PDE5A: variants seen among roughly 807,000 people sequenced by gnomAD.
The protein encoded by PDE5A is phosphodiesterase 5A.
In PDE5A, 67 loss-of-function variants were observed where a neutral mutation model predicts 110.2. The ratio of observed to expected loss-of-function variants is 0.61; its 90% CI spans 0.50 to 0.75. The LOEUF is 0.75. PDE5A is among the 30% of genes least tolerant of loss of function. The pLI is 0.00. For missense variants in PDE5A, 862 were observed against 1,045.1 expected (o/e 0.82, Z 2.42); for synonymous variants, 328 against 351.2 (o/e 0.93, Z 0.74).
intron 12 of PDE5A, among the ~76,000 whole-genome samples, chr4:119,522,103 C>T (rs1472891613): frequency 2.0e-5 from 3 of 152,084 alleles, no homozygotes; most frequent in Non-Finnish European, 4.4e-5. Flanking sequence ...TCGGTAGAAA[C>T]TGCTTATAAA....
At chr4:119,514,598 T>G (rs1725851061) in intron 14 of PDE5A, among the ~76,000 whole-genome samples, 1 of 152,082 alleles carries the variant, frequency 6.6e-6, no homozygotes, top group African/African-American at 2.4e-5. Flanking sequence ...ACACTACTGA[T>G]TATCTCTTTG....
intron 1 of PDE5A, among the ~76,000 whole-genome samples, chr4:119,624,486 TAA>T (rs1174255185): frequency 6.6e-6 from 1 of 152,198 alleles, no homozygotes; most frequent in African/African-American, 2.4e-5. Context: ...CAGTATCAAA[TAA>T]AGTCTATCAT....
chr4:119,542,490 C>T lies in PDE5A; in HGVS notation c.1541G>A (p.Arg514Lys), dbSNP rs1726965057. The T allele has an allele frequency of 1.2e-6, 2 of 1,613,876 alleles. No individual in the cohort carries two copies. ...QNTQMYEAVE[R>K]AMAKQMVTLE... ...TGTGACCATTTGCTTGGCCATGGCT[C>T]TCTCCACTGCTTCATACATCTGCGT... Residue 514 changes from arginine (R) to lysine (K), a missense_variant, in exon 10 of 21, where the codon AGA (arginine) becomes AAA (lysine). Coordinates refer to ENST00000354960, the MANE Select transcript of PDE5A (RefSeq NM_001083.4).
At chr4:119,617,737 G>C (rs1729990162) in intron 1 of PDE5A, among the ~76,000 whole-genome samples, 1 of 152,092 alleles carries the variant, frequency 6.6e-6, no homozygotes, top group African/African-American at 2.4e-5. Context: ...CTAAAATAAT[G>C]TATCAAAGGA....
At chr4:119,514,480 C>CT (rs34847681) in intron 14 of PDE5A, among the ~76,000 whole-genome samples, 80 of 146,326 alleles carry the variant, frequency 5.5e-4, no homozygotes, top group South Asian at 3.9e-3. Flanking sequence ...CCCAATCAAC[C>CT]TTTTTTTTTT....
chr4:119,590,347 C>T (rs1394767420), intron 3 of PDE5A, among the ~76,000 whole-genome samples: 2 of 152,162 alleles, frequency 1.3e-5, no homozygotes, highest in Non-Finnish European at 2.9e-5. Flanking sequence ...CCATACTCCT[C>T]AAACTACTCC....
intron 1 of PDE5A, among the ~76,000 whole-genome samples, chr4:119,618,144 T>C (rs1730006900): frequency 6.6e-6 from 1 of 152,116 alleles, no homozygotes; most frequent in African/African-American, 2.4e-5. Context: ...GAATATGACC[T>C]TAGGTACATT....
At chr4:119,613,526 C>T (rs1267004065) in intron 1 of PDE5A, among the ~76,000 whole-genome samples, 1 of 152,062 alleles carries the variant, frequency 6.6e-6, no homozygotes, top group Non-Finnish European at 1.5e-5. Flanking sequence ...AAGTTATATA[C>T]ATATTGGATG....
Position 119,507,641 on chromosome 4 carries a change from G to T in PDE5A, c.2152C>A (p.Gln718Lys). ...GCTAGGTCTGTAGCTAAAATAGCTT[G>T]CTTGATTATTTTCAACGTGGTCTTA... is the stretch of plus-strand genomic sequence containing the variant. ...EYKTTLKIIK[Q>K]AILATDLALY... Residue 718 changes from glutamine (Q) to lysine (K), a missense_variant, in exon 16 of 21, where the codon CAA becomes AAA. Gln to Lys is a moderately conservative substitution (Grantham distance 53). Transcript: ENST00000354960. 1 of 1,582,492 alleles carries T rather than the reference G, an allele frequency of 6.3e-7. No homozygotes were observed. Among genetic ancestry groups the T allele is most frequent in the Non-Finnish European group, 8.6e-7 (1 of 1,168,930 alleles).
intron 1 of PDE5A, 66 bp from the exon 2 acceptor site, chr4:119,607,363 C>G: frequency 1.2e-6 from 1 of 845,446 alleles, no homozygotes; most frequent in South Asian, 1.6e-5. Flanking sequence ...CTGAGAGCTC[C>G]TAAACATCTT....
chr4:119,605,245 T>C (rs187057830), intron 2 of PDE5A, among the ~76,000 whole-genome samples: 1 of 152,322 alleles, frequency 6.6e-6, no homozygotes, highest in African/African-American at 2.4e-5. Flanking sequence ...CCTACTTGCC[T>C]ATCTCTTCTA....
chr4:119,548,454 C>A (rs183698504), intron 9 of PDE5A: 1 of 152,272 alleles, frequency 6.6e-6, no homozygotes, highest in East Asian at 1.9e-4. Flanking sequence ...TAATTTTACT[C>A]AATGAAAGGT....
intron 7 of PDE5A, among the ~76,000 whole-genome samples, chr4:119,556,295 C>T (rs190911202): frequency 4.9e-4 from 75 of 152,272 alleles, no homozygotes; most frequent in African/African-American, 1.8e-3. Flanking sequence ...TTCTAGTAAC[C>T]TTCCTAAGAG....
At chr4:119,503,320 TC>T (rs1258057766) in intron 18 of PDE5A, among the ~76,000 whole-genome samples, 1 of 152,164 alleles carries the variant, frequency 6.6e-6, no homozygotes, top group Non-Finnish European at 1.5e-5. Context: ...TGCATGGACA[TC>T]CATCACTTTT....
chr4:119,616,534 T>C (rs991983395), intron 1 of PDE5A, among the ~76,000 whole-genome samples: 3 of 152,188 alleles, frequency 2.0e-5, no homozygotes, highest in African/African-American at 7.2e-5. Context: ...TCATTAAGCA[T>C]AATGTTTAAC....
At chr4:119,504,687 A>T in intron 17 of PDE5A, 88 bp from the exon 18 acceptor site, 1 of 1,009,024 alleles carries the variant, frequency 9.9e-7, no homozygotes, top group African/African-American at 1.6e-5. Context: ...AAAAAAAGTT[A>T]AAACCCTCTA....
At chr4:119,585,767 A>G (rs1211934492) in intron 3 of PDE5A, among the ~76,000 whole-genome samples, 1 of 152,136 alleles carries the variant, frequency 6.6e-6, no homozygotes, top group Non-Finnish European at 1.5e-5. Flanking sequence ...AAAGAACAGA[A>G]CGCCGGGAAA....
At chr4:119,533,553 C>G (rs1490850740) in intron 11 of PDE5A, among the ~76,000 whole-genome samples, 4 of 152,116 alleles carry the variant, frequency 2.6e-5, no homozygotes, top group South Asian at 2.1e-4. Flanking sequence ...GTATGAAATT[C>G]AGTAAATCTT....
intron 9 of PDE5A, among the ~76,000 whole-genome samples, chr4:119,547,520 G>A (rs564587078): frequency 8.6e-5 from 13 of 151,586 alleles, no homozygotes; most frequent in Non-Finnish European, 1.9e-4. Context: ...TAATTTCTAC[G>A]GTTGAATGCT....
Sources: gnomAD v4.1 joint callset for allele counts (sites outside exome capture counted in the v4.1 genomes callset) on GRCh38, gnomAD v4.1.1 for gene constraint, MANE v1.5 for transcripts, NCBI Gene and HGNC (gene_info 2026-07-23, HGNC 2026-07-21) for gene names.